The following NAV3 variants were observed in gnomAD, a reference collection of about 807,000 sequenced individuals.
The protein encoded by NAV3 is pore membrane and/or filament interacting like protein 1.
A neutral mutation model predicts 244.7 loss-of-function variants in NAV3; 87 were observed. The observed-to-expected ratio is 0.36, with a 90% CI of 0.30 to 0.42. NAV3 has a LOEUF of 0.42. Ranked by LOEUF, NAV3 falls within the 20% of genes least tolerant of loss-of-function variation. The pLI is 1.00. For missense variants in NAV3, 2,663 were observed against 2,893.3 expected (o/e 0.92, Z 1.83); for synonymous variants, 1,126 against 1,042.2 (o/e 1.08, Z -1.55).
intron 12 of NAV3, among the ~76,000 whole-genome samples, chr12:78,115,193 C>T (rs569410009): frequency 1.3e-5 from 2 of 152,222 alleles, no homozygotes; most frequent in East Asian, 3.9e-4. Flanking sequence ...TTGCAGGAGC[C>T]TTTTAAATCC....
intron 2 of NAV3, among the ~76,000 whole-genome samples, chr12:77,723,755 CTTTTTT>C (rs34518266): frequency 4.4e-5 from 3 of 67,648 alleles, no homozygotes; most frequent in Non-Finnish European, 2.6e-5. Flanking sequence ...GCAATCTTGA[CTTTTTT>C]TTTTTTTTTT....
chr12:77,915,761 T>G (rs1887079457), intron 1 of NAV3, among the ~76,000 whole-genome samples: 4 of 151,942 alleles, frequency 2.6e-5, no homozygotes, highest in African/African-American at 7.2e-5. Flanking sequence ...ATTGGTAAGG[T>G]CTTTGATATG....
chr12:77,846,486 T>C lies in NAV3; in HGVS notation c.243+14782T>C, dbSNP rs181432378. ...TATCTTCAGACTGTGCTGATTTTAG[T>C]GCGCAGTGTCTTGTTTTGGAGATTC... On this transcript the variant is annotated intron_variant, in intron 1 of 39. Transcript: ENST00000397909. Among the ~76,000 whole-genome samples the C allele has an allele frequency of 2.4e-3, 368 of 152,316 alleles. 1 individual carries two copies. Among genetic ancestry groups the C allele is most frequent in the Non-Finnish European group, 3.7e-3 (254 of 68,032 alleles).
chr12:77,648,759 G>C (rs1019619208), intron 2 of NAV3, among the ~76,000 whole-genome samples: 2 of 152,066 alleles, frequency 1.3e-5, no homozygotes, highest in Non-Finnish European at 2.9e-5. Flanking sequence ...GTTTTTAATG[G>C]TAATTTCTAT....
intron 1 of NAV3, among the ~76,000 whole-genome samples, chr12:77,932,248 C>T (rs1278706806): frequency 6.6e-6 from 1 of 151,952 alleles, no homozygotes; most frequent in Non-Finnish European, 1.5e-5. Context: ...ACCCTAAGTC[C>T]GGATTTTCCC....
intron 2 of NAV3, among the ~76,000 whole-genome samples, chr12:77,790,511 A>T (rs1871133079): frequency 1.3e-5 from 2 of 152,308 alleles, no homozygotes; most frequent in Admixed American, 6.5e-5. Context: ...GATCTCCAGG[A>T]TGATGATCCT....
chr12:77,583,049 A>T (rs938567434), intron 2 of NAV3, among the ~76,000 whole-genome samples: 9 of 152,194 alleles, frequency 5.9e-5, no homozygotes, highest in African/African-American at 2.2e-4. Context: ...TACAAACATT[A>T]CACTTTCCTA....
rs114654038 is a variant in NAV3 at position 77,740,542 on chromosome 12, G to C, written c.72+168276G>C. On this transcript the variant is annotated intron_variant, in intron 2 of 8. Transcript: ENST00000550042. ...TTGAGACAGTATTGTAAACATTATA[G>C]TTCACAAAAAGAATAACAATGGAAT... Among the ~76,000 whole-genome samples, 198 of 152,052 alleles carry C rather than the reference G, an allele frequency of 1.3e-3. 1 individual carries two copies. The highest frequency in any genetic ancestry group is 4.6e-3 in the African/African-American group (191 of 41,490).
At chr12:77,899,380 C>T (rs73142055) in intron 1 of NAV3, among the ~76,000 whole-genome samples, 11,665 of 152,218 alleles carry the variant, frequency 0.077, 619 homozygotes, top group Middle Eastern at 0.11. Flanking sequence ...TAAATTGCCA[C>T]AGTCACCCCA....
intron 5 of NAV3, among the ~76,000 whole-genome samples, chr12:77,990,595 T>C (rs192256262): frequency 7.2e-5 from 11 of 152,236 alleles, no homozygotes; most frequent in African/African-American, 2.7e-4. Flanking sequence ...ATCAGTTTTA[T>C]GGGACATTTA....
At chr12:77,915,736 C>T (rs918365203) in intron 1 of NAV3, among the ~76,000 whole-genome samples, 1 of 151,844 alleles carries the variant, frequency 6.6e-6, no homozygotes, top group Non-Finnish European at 1.5e-5. Flanking sequence ...GCTGTAAAGA[C>T]AAAAAAGTTG....
intron 1 of NAV3, among the ~76,000 whole-genome samples, chr12:77,835,335 A>G (rs1377471599): frequency 2.0e-5 from 3 of 152,214 alleles, no homozygotes; most frequent in South Asian, 2.1e-4. Flanking sequence ...AAAAGATACT[A>G]TTGATAGTAC....
intron 2 of NAV3, among the ~76,000 whole-genome samples, chr12:77,583,886 T>C (rs1010585077): frequency 6.6e-6 from 1 of 152,182 alleles, no homozygotes; most frequent in Non-Finnish European, 1.5e-5. Context: ...TCCAGACATA[T>C]TGACAACCCA....
chr12:77,935,860 G>A (rs1565936413), intron 1 of NAV3, among the ~76,000 whole-genome samples: 1 of 152,126 alleles, frequency 6.6e-6, no homozygotes, highest in African/African-American at 2.4e-5. Flanking sequence ...AGCCAAGGGG[G>A]ATGTGCTACG....
At chr12:77,906,219 CACAG>C (rs1318604800) in intron 1 of NAV3, among the ~76,000 whole-genome samples, 2 of 151,976 alleles carry the variant, frequency 1.3e-5, no homozygotes, top group African/African-American at 4.8e-5. Context: ...TAGAGATAAA[CACAG>C]ACAGACAGAC....
intron 1 of NAV3, among the ~76,000 whole-genome samples, chr12:77,926,842 ATCAG>A (rs1255312454): frequency 4.6e-5 from 7 of 152,220 alleles, no homozygotes; most frequent in Non-Finnish European, 8.8e-5. Flanking sequence ...CAATCTTTCC[ATCAG>A]TCAATTTTTC....
At position 77,614,074 on chromosome 12, in the gene NAV3, CTTTTTTTTTT is replaced by C. The variant is rs71440485; in HGVS notation, c.72+41826_72+41835del. Among the ~76,000 whole-genome samples the C allele has an allele frequency of 3.3e-3, 312 of 95,674 alleles. 1 individual carries two copies. Among genetic ancestry groups the C allele is most frequent in the South Asian group, 0.012 (29 of 2,460 alleles). The allele number at this position is 95,674 out of a possible 152,430, so 62.8% of individuals were successfully genotyped here. A position where few individuals can be genotyped will look rare whatever the true frequency, so the allele number is the denominator to read the frequency against. On this transcript the variant is annotated intron_variant, in intron 2 of 8. Coordinates refer to the NAV3 transcript ENST00000550042. ...GACTTTGCCTTTCTTTTCTTTCTCT[CTTTTTTTTTT>C]TTTTTTTTTTTTTTTTTAACACAGG...
chr12:78,038,774 T>C (rs965157984), intron 9 of NAV3, among the ~76,000 whole-genome samples: 3 of 152,194 alleles, frequency 2.0e-5, no homozygotes, highest in Non-Finnish European at 4.4e-5. Context: ...TAGAATCAGA[T>C]AATATTCCTC....
rs374259796 is a variant in NAV3, at chr12:78,118,048, C to T, written c.2791C>T (p.Arg931Cys). 18 of 1,608,070 alleles carry T rather than the reference C, an allele frequency of 1.1e-5. No homozygotes were observed. Among genetic ancestry groups the T allele is most frequent in the Non-Finnish European group, 1.4e-5 (16 of 1,177,366 alleles). ...ATAGCTGAGGACAGATTCAGAGAAACGCTCCACCACAGACGAGACCTGGGA... is the reference window on the plus strand; with the variant it reads ...ATAGCTGAGGACAGATTCAGAGAAATGCTCCACCACAGACGAGACCTGGGA... ...NTQLRTDSEK[R>C]STTDETWDSP... Residue 931 changes from arginine (R) to cysteine (C), a missense_variant, in exon 14 of 40, where the codon CGC becomes TGC. Arg to Cys is a radical substitution (Grantham distance 180, BLOSUM62 -3). This residue lies in a region of NAV3 where 1,521 missense variants were observed against 1,497.0 expected (regional missense o/e 1.02). Transcript: ENST00000397909.
Sources: gnomAD v4.1 joint callset for allele counts (sites outside exome capture counted in the v4.1 genomes callset) on GRCh38, gnomAD v4.1.1 for gene constraint, gnomAD v4.1.1 regional missense constraint, MANE v1.5 for transcripts, NCBI Gene and HGNC (gene_info 2026-07-23, HGNC 2026-07-21) for gene names.